TUSC3: variants seen among roughly 807,000 people sequenced by gnomAD.
TUSC3 encodes the protein dolichyl-diphosphooligosaccharide--protein glycosyltransferase subunit TUSC3.
Under a neutral mutation model 44.8 loss-of-function variants are expected in TUSC3, and 45 were observed. That is an observed-to-expected ratio of 1.00 (90% CI 0.79 to 1.29). The LOEUF is 1.29. Ranked by LOEUF, TUSC3 falls within the 50% of genes most tolerant of loss-of-function variation. TUSC3 has a pLI of 0.00. For synonymous variants in TUSC3, 212 were observed against 152.9 expected, an observed-to-expected ratio of 1.39 and a Z score of -2.85; for missense variants, 519 against 437.9, an observed-to-expected ratio of 1.19 and a Z score of -1.65.
intron 3 of TUSC3, among the ~76,000 whole-genome samples, chr8:15,658,146 A>G (rs1191049619): frequency 6.6e-6 from 1 of 152,196 alleles, no homozygotes; most frequent in Non-Finnish European, 1.5e-5. Context: ...GCAAACATGG[A>G]CCAACTCTTA....
intron 2 of TUSC3, among the ~76,000 whole-genome samples, chr8:15,513,192 T>A (rs1168073657): frequency 1.3e-5 from 2 of 151,720 alleles, no homozygotes; most frequent in Non-Finnish European, 1.5e-5. Flanking sequence ...CTCTAAAACA[T>A]AAGATTAAGG....
intron 1 of TUSC3, among the ~76,000 whole-genome samples, chr8:15,542,000 A>ATT (rs540766032): frequency 4.2e-4 from 61 of 146,032 alleles, no homozygotes; most frequent in African/African-American, 1.1e-3. Flanking sequence ...ACCTTAATCA[A>ATT]TTTTTTTTTT....
intron 3 of TUSC3, among the ~76,000 whole-genome samples, chr8:15,653,008 C>G (rs191288661): frequency 6.6e-6 from 1 of 152,156 alleles, no homozygotes; most frequent in Non-Finnish European, 1.5e-5. Context: ...ACAAATATGC[C>G]TTCTCCTATT....
chr8:15,458,230 A>G (rs78543779), intron 1 of TUSC3, among the ~76,000 whole-genome samples: 7,554 of 152,140 alleles, frequency 0.05, 253 homozygotes, highest in South Asian at 0.1. Context: ...AAGTGCTTAC[A>G]TATGCTTCTT....
chr8:15,830,998 G>T, the TUSC3 span, among the ~76,000 whole-genome samples: 2 of 152,168 alleles, frequency 1.3e-5, no homozygotes, highest in African/African-American at 2.4e-5. Flanking sequence ...AGCAAGGATG[G>T]ATTCCGCTGC....
rs1179443021 is a variant in TUSC3 at position 15,765,297 on chromosome 8, G to T, written c.*1141G>T. On this transcript the variant is annotated 3_prime_UTR_variant, in exon 11 of 11. Coordinates refer to ENST00000503731, the MANE Select transcript of TUSC3 (RefSeq NM_006765.4). The stretch of plus-strand genomic sequence containing the variant: ...AACATGGATTTTTATATTCTGTGGA[G>T]TTATCCAAATTAATTAGGGTTTAGG... 6.6e-6 allele frequency: 1 copy of T among 152,000 alleles called. No homozygotes were observed. The highest frequency in any genetic ancestry group is 1.5e-5 in the Non-Finnish European group (1 of 67,932). The allele number at this position is 152,000 out of a possible 1,614,324, so 9.4% of individuals were successfully genotyped here. A position where few individuals can be genotyped will look rare whatever the true frequency, so the allele number is the denominator to read the frequency against.
At chr8:15,480,620 A>G (rs1401243253) in intron 1 of TUSC3, among the ~76,000 whole-genome samples, 2 of 152,152 alleles carry the variant, frequency 1.3e-5, no homozygotes, top group Non-Finnish European at 2.9e-5. Flanking sequence ...TAAAATTTCT[A>G]CTTGAGGCTT....
intron 9 of TUSC3, chr8:15,748,666 A>G (rs1041630160): frequency 6.9e-6 from 5 of 728,286 alleles, no homozygotes; most frequent in Non-Finnish European, 1.3e-5. Flanking sequence ...TTGTTCCCTG[A>G]CAGCATGTAG....
intron 2 of TUSC3, among the ~76,000 whole-genome samples, chr8:15,528,206 T>TA (rs1218091791): frequency 6.6e-6 from 1 of 152,114 alleles, no homozygotes; most frequent in Non-Finnish European, 1.5e-5. Flanking sequence ...AAAAAAAAAC[T>TA]TTCCATCATT....
At chr8:15,805,680 G>C in the TUSC3 span, among the ~76,000 whole-genome samples, 2 of 152,242 alleles carry the variant, frequency 1.3e-5, no homozygotes, top group South Asian at 4.1e-4. Flanking sequence ...AAGCCTACTT[G>C]ATCATGGTAA....
chr8:15,502,378 G>C (rs894246388), intron 2 of TUSC3, among the ~76,000 whole-genome samples: 5 of 152,130 alleles, frequency 3.3e-5, no homozygotes, highest in African/African-American at 1.2e-4. Context: ...CCCTCAGACT[G>C]CTTTTCAGAA....
intron 7 of TUSC3, among the ~76,000 whole-genome samples, chr8:15,738,827 C>CT (rs375655033): frequency 0.032 from 2,812 of 87,164 alleles, 119 homozygotes; most frequent in Middle Eastern, 0.043. Context: ...ATATATCTTG[C>CT]TTTTTTTTTT....
At chr8:15,768,162 T>A (rs1016387117), downstream of TUSC3, among the ~76,000 whole-genome samples, 1 of 152,132 alleles carries the variant, frequency 6.6e-6, no homozygotes, top group African/African-American at 2.4e-5. Flanking sequence ...TTTATCTTTT[T>A]TTTTTCTTTT....
downstream of TUSC3, among the ~76,000 whole-genome samples, chr8:15,768,895 G>T (rs919546323): frequency 1.3e-5 from 2 of 152,096 alleles, no homozygotes; most frequent in East Asian, 3.9e-4. Flanking sequence ...CCTCTTCAAG[G>T]AGAACTACAA....
the TUSC3 span, among the ~76,000 whole-genome samples, chr8:15,847,999 G>C: frequency 7.2e-5 from 11 of 152,134 alleles, no homozygotes; most frequent in Non-Finnish European, 1.2e-4. Flanking sequence ...GGACACAGTG[G>C]ACATGCAATA....
chr8:15,577,192 A>G (rs1803151282), intron 1 of TUSC3, among the ~76,000 whole-genome samples: 1 of 150,046 alleles, frequency 6.7e-6, no homozygotes, highest in Admixed American at 6.7e-5. Flanking sequence ...GTTTGAGTTC[A>G]TTGTAGATTC....
intron 6 of TUSC3, among the ~76,000 whole-genome samples, chr8:15,711,329 A>G (rs1385679114): frequency 6.6e-6 from 1 of 151,446 alleles, no homozygotes; most frequent in African/African-American, 2.4e-5. Context: ...CTTTTTTTCA[A>G]ATATTATTTA....
chr8:15,579,296 T>G (rs1378006455), intron 1 of TUSC3, among the ~76,000 whole-genome samples: 1 of 136,298 alleles, frequency 7.3e-6, no homozygotes, highest in East Asian at 2.1e-4. Flanking sequence ...TTTTGAAGGG[T>G]TTTTTGTGTC....
the TUSC3 span, among the ~76,000 whole-genome samples, chr8:15,795,906 A>G: frequency 6.6e-6 from 1 of 152,190 alleles, no homozygotes; most frequent in Non-Finnish European, 1.5e-5. Context: ...CCAGAATGCC[A>G]CAGGGTCAGA....
Sources: allele counts gnomAD v4.1 joint callset (sites outside exome capture counted in the v4.1 genomes callset), GRCh38; gene constraint gnomAD v4.1.1; transcripts MANE v1.5; gene names NCBI Gene and HGNC (gene_info 2026-07-23, HGNC 2026-07-21).